Variants in DSE observed in about 807,000 individuals in gnomAD.
The protein encoded by DSE is dermatan-sulfate epimerase.
Under a neutral mutation model 84.4 loss-of-function variants are expected in DSE, and 36 were observed. The ratio of observed to expected loss-of-function variants is 0.43; its 90% CI spans 0.33 to 0.56. The LOEUF (loss-of-function observed/expected upper bound fraction) is 0.56, where lower values mean the gene tolerates loss of function less well. Among genes scored for constraint, DSE ranks in the 20% least tolerant of loss-of-function variants. The probability of loss-of-function intolerance (pLI) is 0.06; values close to 1 mark genes in which losing one functional copy is unlikely to be tolerated. For missense variants in DSE, 862 were observed against 1,169.6 expected (o/e 0.74, Z 3.84); for synonymous variants, 410 against 430.1 (o/e 0.95, Z 0.58).
At chr6:116,396,517 T>C (rs1013942614) in intron 1 of DSE, among the ~76,000 whole-genome samples, 2 of 152,220 alleles carry the variant, frequency 1.3e-5, no homozygotes, top group African/African-American at 4.8e-5. Context: ...CGGAAATTAA[T>C]ATTTTAAATG....
At chr6:116,375,499 G>A (rs1779869792) in intron 1 of DSE, 2 of 983,800 alleles carry the variant, frequency 2.0e-6, no homozygotes, top group African/African-American at 1.7e-5. Flanking sequence ...GCAAGATCCT[G>A]CCTCAAAGTC....
chr6:116,348,692 A>G (rs1778141175), intron 2 of DSE, among the ~76,000 whole-genome samples: 2 of 152,234 alleles, frequency 1.3e-5, no homozygotes, highest in African/African-American at 2.4e-5. Flanking sequence ...TTATTGCGGC[A>G]TTATTCACGA....
intron 2 of DSE, among the ~76,000 whole-genome samples, chr6:116,346,114 G>A (rs9885940): frequency 0.052 from 7,907 of 152,248 alleles, 671 homozygotes; most frequent in African/African-American, 0.18. Flanking sequence ...CTCTGAAATT[G>A]AGGCAATAAT....
At chr6:116,294,315 G>T (rs1198887504) in intron 2 of DSE, among the ~76,000 whole-genome samples, 1 of 152,200 alleles carries the variant, frequency 6.6e-6, no homozygotes, top group African/African-American at 2.4e-5. Flanking sequence ...GAGCCACTGT[G>T]CCTGGCCAAA....
upstream of DSE, among the ~76,000 whole-genome samples, chr6:116,367,648 CTTTT>C (rs955674803): frequency 6.6e-6 from 1 of 151,876 alleles, no homozygotes; most frequent in Non-Finnish European, 1.5e-5. Flanking sequence ...AACTAATTCC[CTTTT>C]TTTTGTCTTC....
At chr6:116,268,058 G>GTAATGTCCTAGACC (rs1772711972) in intron 2 of DSE, among the ~76,000 whole-genome samples, 1 of 152,192 alleles carries the variant, frequency 6.6e-6, no homozygotes, top group Non-Finnish European at 1.5e-5. Flanking sequence ...GTAGTGTACA[G>GTAATGTCCTAGACC]TAATGTCCTA....
At chr6:116,258,611 T>C (rs759953811) in exon 2 of DSE, 134 of 1,612,160 alleles carry the variant, frequency 8.3e-5, no homozygotes, top group Non-Finnish European at 1.1e-4. Flanking sequence ...CACTCAGCAA[T>C]GGTCTTAATG....
At chr6:116,381,581 A>G (rs144224454) in intron 1 of DSE, among the ~76,000 whole-genome samples, 14 of 152,270 alleles carry the variant, frequency 9.2e-5, no homozygotes, top group Middle Eastern at 3.4e-3. Flanking sequence ...CTCAGGTTCT[A>G]TCACCTCAAA....
At chr6:116,342,428 C>A (rs1224925582) in intron 2 of DSE, among the ~76,000 whole-genome samples, 1 of 151,946 alleles carries the variant, frequency 6.6e-6, no homozygotes, top group Non-Finnish European at 1.5e-5. Context: ...ATTACAGGCA[C>A]ATGCCACCAC....
intron 1 of DSE, among the ~76,000 whole-genome samples, chr6:116,372,166 C>T (rs940211183): frequency 2.6e-5 from 4 of 152,162 alleles, no homozygotes; most frequent in African/African-American, 9.7e-5. Flanking sequence ...GTAATTCCCT[C>T]AAGTTTTTAA....
At position 116,370,981 on chromosome 6, in the gene DSE, G is replaced by C; in HGVS notation, c.-194G>C. On this transcript the variant is annotated 5_prime_UTR_variant, in exon 1 of 6. Transcript: ENST00000644252. ...GCCCGAGGCTGCAGCAGCGCATCCC[G>C]GGGCATGGCGCGGCGGGGGCGCGGA... The C allele has an allele frequency of 1.0e-6, 1 of 985,444 alleles. No homozygotes were observed. Among genetic ancestry groups the C allele is most frequent in the Non-Finnish European group, 1.2e-6 (1 of 830,068 alleles). The allele number at this position is 985,444 out of a possible 1,614,324, so 61.0% of individuals were successfully genotyped here. A position where few individuals can be genotyped will look rare whatever the true frequency, so the allele number is the denominator to read the frequency against.
At position 116,391,199 on chromosome 6, in the gene DSE, C is replaced by A. The variant is rs372508448; in HGVS notation, c.-53-7999C>A. 2.0e-5 allele frequency among the ~76,000 whole-genome samples: 3 copies of A among 152,080 alleles called. No individual in the cohort carries two copies. In the East Asian group the frequency reaches 5.8e-4, roughly 29 times the overall value. On this transcript the variant is annotated intron_variant, in intron 1 of 5. Transcript: ENST00000644252. Reference sequence around the variant, plus strand: ...AAAAGTGTGCTGTCTTCATGAAAACCTTTCAGGGGACAATGATAGAAATGT... The same window carrying A: ...AAAAGTGTGCTGTCTTCATGAAAACATTTCAGGGGACAATGATAGAAATGT...
intron 2 of DSE, among the ~76,000 whole-genome samples, chr6:116,362,987 G>A (rs529603859): frequency 2.0e-5 from 3 of 152,198 alleles, no homozygotes; most frequent in African/African-American, 7.2e-5. Context: ...AATGTACAGG[G>A]GAAGTAAAAA....
chr6:116,363,843 A>G (rs944688417), intron 2 of DSE, among the ~76,000 whole-genome samples: 1 of 152,236 alleles, frequency 6.6e-6, no homozygotes, highest in African/African-American at 2.4e-5. Context: ...TATTTTGTTA[A>G]TGGAGCAAAT....
intron 2 of DSE, among the ~76,000 whole-genome samples, chr6:116,420,507 C>T (rs966533894): frequency 3.9e-5 from 6 of 152,136 alleles, no homozygotes; most frequent in Non-Finnish European, 7.3e-5. Context: ...AAGATGGCGG[C>T]GGCCTTCTAA....
chr6:116,299,488 G>A lies in DSE; in HGVS notation c.-54+40521G>A, dbSNP rs190982301. 2.1e-3 allele frequency among the ~76,000 whole-genome samples: 276 copies of A among 130,030 alleles called. 5 individuals are homozygous for A. The highest frequency in any genetic ancestry group is 6.9e-3 in the African/African-American group (239 of 34,424). The allele number at this position is 130,030 out of a possible 152,430, so 85.3% of individuals were successfully genotyped here. A position where few individuals can be genotyped will look rare whatever the true frequency, so the allele number is the denominator to read the frequency against. The stretch of plus-strand genomic sequence containing the variant: ...TGTAAATAAATTCTCATCCTGAAAG[G>A]CTTCTTGAATTATTTTTATATATAT... On this transcript the variant is annotated intron_variant, in intron 2 of 3. Transcript: ENST00000430252.
intron 2 of DSE, among the ~76,000 whole-genome samples, chr6:116,281,549 T>A (rs1207989797): frequency 6.6e-6 from 1 of 152,194 alleles, no homozygotes. Context: ...ACAGCTTGAA[T>A]CTGTCTTTCA....
intron 2 of DSE, among the ~76,000 whole-genome samples, chr6:116,351,406 A>G (rs1005536389): frequency 3.3e-5 from 5 of 152,118 alleles, no homozygotes; most frequent in Non-Finnish European, 7.4e-5. Context: ...ACATCTTAAA[A>G]CTTTTATTTT....
At chr6:116,389,030 G>A in intron 1 of DSE, among the ~76,000 whole-genome samples, 1 of 152,160 alleles carries the variant, frequency 6.6e-6, no homozygotes, top group Non-Finnish European at 1.5e-5. Flanking sequence ...TTTAAAAATA[G>A]CATTCTCTGA....
Sources: allele counts gnomAD v4.1 joint callset (sites outside exome capture counted in the v4.1 genomes callset), GRCh38; gene constraint gnomAD v4.1.1; transcripts MANE v1.5; gene names NCBI Gene and HGNC (gene_info 2026-07-23, HGNC 2026-07-21).